PCDH15: variants seen among roughly 807,000 people sequenced by gnomAD.
PCDH15 encodes protocadherin-15.
PCDH15 carries 129 observed loss-of-function variants against 178.5 expected under a neutral mutation model. The observed-to-expected ratio is 0.72, with a 90% confidence interval of 0.63 to 0.84. The LOEUF is 0.84. Ranked by LOEUF, PCDH15 falls within the 40% of genes least tolerant of loss-of-function variation. The probability of loss-of-function intolerance (pLI) is 0.00; values close to 1 mark genes in which losing one functional copy is unlikely to be tolerated. For missense variants in PCDH15, 2,230 were observed against 2,099.9 expected, an observed-to-expected ratio of 1.06 and a Z score of -1.21; for synonymous variants, 800 against 732.0, an observed-to-expected ratio of 1.09 and a Z score of -1.50.
chr10:55,468,004 G>A (rs1400030557), intron 2 of PCDH15, among the ~76,000 whole-genome samples: 4 of 123,858 alleles, frequency 3.2e-5, no homozygotes, highest in Non-Finnish European at 5.1e-5. Flanking sequence ...ATTAAAACTG[G>A]TCTGCCAGGA....
At chr10:55,520,695 T>C (rs2132164169) in intron 2 of PCDH15, among the ~76,000 whole-genome samples, 1 of 151,728 alleles carries the variant, frequency 6.6e-6, no homozygotes, top group South Asian at 2.1e-4. Context: ...TGATACTTTA[T>C]AATCTACTAA....
chr10:54,294,664 C>T (rs910205600), intron 8 of PCDH15, among the ~76,000 whole-genome samples: 1 of 148,848 alleles, frequency 6.7e-6, no homozygotes, highest in Non-Finnish European at 1.5e-5. Context: ...CACCTGAAAG[C>T]AACAGTAATC....
chr10:54,588,603 G>T (rs1402093240), intron 2 of PCDH15, among the ~76,000 whole-genome samples: 1 of 152,046 alleles, frequency 6.6e-6, no homozygotes, highest in African/African-American at 2.4e-5. Context: ...CTTGAGACAG[G>T]ATCTCACTCT....
At chr10:54,879,365 C>A (rs975553808) in intron 3 of PCDH15, among the ~76,000 whole-genome samples, 1 of 151,938 alleles carries the variant, frequency 6.6e-6, no homozygotes, top group Admixed American at 6.6e-5. Context: ...CATATTTTTA[C>A]AAAAGTTTCT....
intron 2 of PCDH15, among the ~76,000 whole-genome samples, chr10:55,607,804 C>T (rs943574539): frequency 2.0e-5 from 3 of 148,266 alleles, no homozygotes; most frequent in African/African-American, 7.5e-5. Context: ...TGCTAGATGA[C>T]AAGTTAGTGG....
At chr10:55,356,110 T>C (rs1845072318) in intron 2 of PCDH15, among the ~76,000 whole-genome samples, 1 of 151,906 alleles carries the variant, frequency 6.6e-6, no homozygotes, top group Non-Finnish European at 1.5e-5. Context: ...TAATTAAGTG[T>C]TCAACAATTT....
chr10:53,981,549 A>T (rs2090639657), intron 21 of PCDH15, among the ~76,000 whole-genome samples: 1 of 151,984 alleles, frequency 6.6e-6, no homozygotes, highest in South Asian at 2.1e-4. Flanking sequence ...GACAAACCTG[A>T]GAAAAACAAG....
chr10:53,907,809 T>C (rs1589363595), intron 25 of PCDH15, among the ~76,000 whole-genome samples: 1 of 152,268 alleles, frequency 6.6e-6, no homozygotes, highest in East Asian at 1.9e-4. Context: ...AGCACTTCTG[T>C]TCTATTTTAG....
Position 54,044,837 on chromosome 10 carries a change from A to T in PCDH15, c.2221-21640T>A, listed in dbSNP as rs1911404. On this transcript the variant is annotated intron_variant, in intron 18 of 37. Transcript: ENST00000644397. Reference sequence around the variant, plus strand: ...CTTTCCTGTGATTAATACACATTTGAAGTATGAGTTGCTTTTTTATTGCTG... The same window carrying T: ...CTTTCCTGTGATTAATACACATTTGTAGTATGAGTTGCTTTTTTATTGCTG... Among the ~76,000 whole-genome samples the T allele has an allele frequency of 6.0e-3, 913 of 152,242 alleles. 6 individuals are homozygous for T. The highest frequency in any genetic ancestry group is 0.021 in the African/African-American group (862 of 41,542).
chr10:54,335,537 C>T (rs1394861190), intron 6 of PCDH15, among the ~76,000 whole-genome samples: 2 of 152,088 alleles, frequency 1.3e-5, no homozygotes, highest in African/African-American at 4.8e-5. Context: ...TTTCCCCATA[C>T]TGTTTTTGTG....
At chr10:53,925,177 CTT>C (rs999826146) in intron 25 of PCDH15, among the ~76,000 whole-genome samples, 1 of 152,140 alleles carries the variant, frequency 6.6e-6, no homozygotes, top group Admixed American at 6.5e-5. Flanking sequence ...GCTGCTCACT[CTT>C]TGGTTCCACG....
At chr10:54,543,010 C>T (rs2085429667) in intron 2 of PCDH15, among the ~76,000 whole-genome samples, 1 of 152,226 alleles carries the variant, frequency 6.6e-6, no homozygotes, top group African/African-American at 2.4e-5. Context: ...AGCACACCAG[C>T]GGAAGAGCAC....
intron 8 of PCDH15, among the ~76,000 whole-genome samples, chr10:54,299,584 C>A (rs1229876220): frequency 1.3e-5 from 2 of 152,254 alleles, no homozygotes; most frequent in Non-Finnish European, 2.9e-5. Flanking sequence ...AATCCTTAAC[C>A]CAGCAGGTTT....
chr10:54,518,493 C>T (rs1046905884), intron 3 of PCDH15, among the ~76,000 whole-genome samples: 9 of 152,016 alleles, frequency 5.9e-5, no homozygotes, highest in African/African-American at 2.2e-4. Flanking sequence ...CACATACACC[C>T]CCCCAAGACT....
intron 2 of PCDH15, among the ~76,000 whole-genome samples, chr10:55,042,798 C>T (rs567042716): frequency 1.3e-5 from 2 of 152,244 alleles, no homozygotes; most frequent in South Asian, 2.1e-4. Context: ...CATAATTGTA[C>T]AAACCCATGC....
chr10:55,329,342 T>G (rs1844131970), intron 2 of PCDH15, among the ~76,000 whole-genome samples: 1 of 151,716 alleles, frequency 6.6e-6, no homozygotes, highest in East Asian at 1.9e-4. Flanking sequence ...TAGCAAAATA[T>G]GTATTCTTGT....
chr10:55,623,947 C>T (rs544392275), intron 2 of PCDH15, among the ~76,000 whole-genome samples: 1 of 152,214 alleles, frequency 6.6e-6, no homozygotes, highest in South Asian at 2.1e-4. Context: ...GGACTACTCT[C>T]TCTCTCACCC....
chr10:54,431,263 C>T (rs376468755), intron 3 of PCDH15, among the ~76,000 whole-genome samples: 1 of 151,814 alleles, frequency 6.6e-6, no homozygotes, highest in African/African-American at 2.4e-5. Flanking sequence ...TCTATGAGGC[C>T]AGTATTATCC....
At chr10:54,684,995 T>C (rs2094968544) in intron 1 of PCDH15, among the ~76,000 whole-genome samples, 2 of 151,846 alleles carry the variant, frequency 1.3e-5, no homozygotes, top group South Asian at 4.1e-4. Context: ...GTTTCTTTCT[T>C]TATATTTTTA....
Sources: gnomAD v4.1 joint callset for allele counts (sites outside exome capture counted in the v4.1 genomes callset) on GRCh38, gnomAD v4.1.1 for gene constraint, MANE v1.5 for transcripts, NCBI Gene and HGNC (gene_info 2026-07-23, HGNC 2026-07-21) for gene names.